The following EPG5 variants were observed in gnomAD, a reference collection of about 807,000 sequenced individuals.
The protein encoded by EPG5 is ectopic P granules protein 5 homolog.
In EPG5, 159 loss-of-function variants were observed where a neutral mutation model predicts 302.7. That is an observed-to-expected ratio of 0.53 (90% CI 0.46 to 0.60). The LOEUF (loss-of-function observed/expected upper bound fraction) is 0.60, where lower values mean the gene tolerates loss of function less well. Ranked by LOEUF, EPG5 falls within the 20% of genes least tolerant of loss-of-function variation. EPG5 has a pLI of 0.00. For missense variants in EPG5, 2,896 were observed against 3,092.4 expected (o/e 0.94, Z 1.51); for synonymous variants, 1,158 against 1,136.8 (o/e 1.02, Z -0.37).
At chr18:45,926,180 C>T (rs1660804070) in intron 13 of EPG5, among the ~76,000 whole-genome samples, 1 of 152,186 alleles carries the variant, frequency 6.6e-6, no homozygotes, top group African/African-American at 2.4e-5. Context: ...AACCACCACA[C>T]TAATGCACAT....
Position 45,847,732 on chromosome 18 carries a change from A to G in EPG5, c.*4735T>C, listed in dbSNP as rs1334404844. ...AAGTATGAAAAATGTGGAACAATGA[A>G]TAAGTAGTGAATATTGCACATTTAA... On this transcript the variant is annotated 3_prime_UTR_variant, in exon 44 of 44. Transcript: ENST00000282041. 32 of 152,636 alleles carry G rather than the reference A, an allele frequency of 2.1e-4. No individual in the cohort carries two copies. The highest frequency in any genetic ancestry group is 2.1e-3 in the Admixed American group (32 of 15,272). The allele number at this position is 152,636 out of a possible 1,614,324, so 9.5% of individuals were successfully genotyped here. A position where few individuals can be genotyped will look rare whatever the true frequency, so the allele number is the denominator to read the frequency against.
chr18:45,949,922 A>G (rs749674722), intron 4 of EPG5, among the ~76,000 whole-genome samples: 1 of 152,350 alleles, frequency 6.6e-6, no homozygotes, highest in African/African-American at 2.4e-5. Flanking sequence ...CCAAATAAGT[A>G]TGCTTGAAAC....
chr18:45,955,399 G>A, intron 1 of EPG5, 61 bp from the exon 2 acceptor site: 3 of 1,220,292 alleles, frequency 2.5e-6, no homozygotes, highest in South Asian at 3.5e-5. Flanking sequence ...TTCAGCAGGA[G>A]GAATTTTAAA....
At chr18:45,902,480 T>A (rs984556982) in intron 25 of EPG5, among the ~76,000 whole-genome samples, 1 of 152,190 alleles carries the variant, frequency 6.6e-6, no homozygotes, top group African/African-American at 2.4e-5. Context: ...ACCAAGGTAT[T>A]TTAAAAACAA....
chr18:45,928,805 T>C, intron 13 of EPG5, 64 bp downstream of exon 13: 1 of 1,498,926 alleles, frequency 6.7e-7, no homozygotes, highest in Non-Finnish European at 9.1e-7. Flanking sequence ...CCTTCCTATT[T>C]TTGCCAATGT....
chr18:45,901,167 G>A lies in EPG5; in HGVS notation c.4475C>T (p.Ala1492Val). 1 of 1,613,552 alleles carries A rather than the reference G, an allele frequency of 6.2e-7. No individual in the cohort carries two copies. Among genetic ancestry groups the A allele is most frequent in the Non-Finnish European group, 8.5e-7 (1 of 1,179,752 alleles). The change falls in exon 26 of 44, where the codon GCT becomes GTT. Residue 1492 changes from alanine to valine, a missense_variant and splice_region_variant. Physicochemically the swap from Ala to Val is moderately conservative, Grantham distance 64 (BLOSUM62 0). This residue lies in a region of EPG5 where 790 missense variants were observed against 798.0 expected (regional missense o/e 0.99). Coordinates refer to ENST00000282041, the MANE Select transcript of EPG5 (RefSeq NM_020964.3). ...CAAGTTACTTAAAACCCTTTCTTTA[G>A]CTGAAAGAAAATTAAGTCATATATA... is the stretch of plus-strand genomic sequence containing the variant. ...VQLDFTDPLL[A>V]KERVLSNLRK...
intron 17 of EPG5, 194 bp from the exon 18 acceptor site, chr18:45,916,776 G>A (rs1197719432): frequency 1.0e-5 from 5 of 501,520 alleles, no homozygotes; most frequent in African/African-American, 1.9e-5. Flanking sequence ...TCTACCCACA[G>A]AGGTATTAAG....
the EPG5 span, chr18:45,838,697 C>A: frequency 6.5e-7 from 1 of 1,549,676 alleles, no homozygotes; most frequent in South Asian, 1.2e-5. Flanking sequence ...TTGTGACAGT[C>A]ACCCGCCTTC....
the EPG5 span, among the ~76,000 whole-genome samples, chr18:45,817,578 G>A: frequency 1.3e-5 from 2 of 152,264 alleles, no homozygotes; most frequent in Non-Finnish European, 2.9e-5. Context: ...AGGCATGACT[G>A]AAGCTGGAGG....
chr18:45,909,901 G>A (rs572673495), intron 23 of EPG5, among the ~76,000 whole-genome samples: 7 of 152,284 alleles, frequency 4.6e-5, no homozygotes, highest in Admixed American at 1.3e-4. Flanking sequence ...CACTATGATC[G>A]TCTCACTATA....
At chr18:45,831,743 C>G in the EPG5 span, among the ~76,000 whole-genome samples, 1 of 146,756 alleles carries the variant, frequency 6.8e-6, no homozygotes, top group South Asian at 2.1e-4. Flanking sequence ...GTACCAACAT[C>G]TTTTTTTTTT....
In EPG5 at chr18:45,923,370, A is replaced by G. The variant is rs2050197871; in HGVS notation, c.2736T>C (p.Asp912=). The change falls in exon 15 of 44, where the codon GAT becomes GAC. Residue 912 remains aspartate, a synonymous_variant. Coordinates refer to ENST00000282041, the MANE Select transcript of EPG5 (RefSeq NM_020964.3). ...AAGCCACTTCAGCATGGACTGCTTG[A>G]TCCAGATGAAGGGTAGCCTTTTAAA... The part of the protein sequence containing the change: ...GFAKQATLHL[D]QAVHAEVALM... The G allele has an allele frequency of 6.2e-7, 1 of 1,613,624 alleles. No individual in the cohort carries two copies. Among genetic ancestry groups the G allele is most frequent in the African/African-American group, 1.3e-5 (1 of 75,054 alleles).
chr18:45,865,533 C>A, intron 39 of EPG5, 82 bp downstream of exon 39: 1 of 1,446,224 alleles, frequency 6.9e-7, no homozygotes, highest in Non-Finnish European at 9.6e-7. Flanking sequence ...GTGTCCTGAA[C>A]ATCCTCCTGA....
chr18:45,821,474 C>T, the EPG5 span, among the ~76,000 whole-genome samples: 1 of 151,998 alleles, frequency 6.6e-6, no homozygotes, highest in Non-Finnish European at 1.5e-5. Flanking sequence ...AATATCTAAC[C>T]TAAATATAAA....
intron 27 of EPG5, among the ~76,000 whole-genome samples, chr18:45,892,640 G>C (rs2049378282): frequency 1.3e-5 from 2 of 152,084 alleles, no homozygotes; most frequent in South Asian, 4.1e-4. Context: ...ATTTCCCCAG[G>C]GAACATCACT....
At chr18:45,855,457 C>T (rs1459296691) in intron 43 of EPG5, 116 bp downstream of exon 43, 5 of 674,614 alleles carry the variant, frequency 7.4e-6, no homozygotes, top group Admixed American at 2.8e-5. Context: ...AAAGGGAACA[C>T]TGTGCTACCA....
chr18:45,828,404 TC>T, the EPG5 span, among the ~76,000 whole-genome samples: 11 of 151,680 alleles, frequency 7.3e-5, no homozygotes, highest in African/African-American at 1.9e-4. Flanking sequence ...CTCCTCCATC[TC>T]CCCCCATATC....
rs2048386480 is a variant in EPG5, at chr18:45,848,661, T to C, written c.*3806A>G. 6.6e-6 allele frequency: 1 copy of C among 152,398 alleles called. No homozygotes were observed. The highest frequency in any genetic ancestry group is 2.1e-4 in the South Asian group (1 of 4,828). 9.4% of individuals were successfully genotyped at this position (152,398 alleles called of 1,614,324 possible). A position where few individuals can be genotyped will look rare whatever the true frequency, so the allele number is the denominator to read the frequency against. On this transcript the variant is annotated 3_prime_UTR_variant, in exon 44 of 44. Transcript: ENST00000282041. ...TTAAATGTATGCCCCAGGTGCCTCATTTGTCTCACCCTAGCCCTGGCCCTG... is the reference window on the plus strand; with the variant it reads ...TTAAATGTATGCCCCAGGTGCCTCACTTGTCTCACCCTAGCCCTGGCCCTG...
chr18:45,907,978 T>A lies in EPG5; in HGVS notation c.4309A>T (p.Lys1437Ter). 6.3e-7 allele frequency: 1 copy of A among 1,578,326 alleles called. No homozygotes were observed. The highest frequency in any genetic ancestry group is 8.5e-7 in the Non-Finnish European group (1 of 1,170,144). Residue 1437 changes from lysine (K) to a stop codon, truncating the protein, a stop_gained, in exon 24 of 44, where the codon AAA becomes TAA. Transcript: ENST00000282041. LOFTEE classifies it high-confidence loss of function. ...TTCACCTGCTGATTCTGCATCACTT[T>A]TGCTAGCCTGTGAATATCATAATGC... ...PKHYDIHRLA[K>*]VMQNQQDLWM...
Sources: gnomAD v4.1 joint callset for allele counts (sites outside exome capture counted in the v4.1 genomes callset) on GRCh38, gnomAD v4.1.1 for gene constraint, gnomAD v4.1.1 regional missense constraint, MANE v1.5 for transcripts, NCBI Gene and HGNC (gene_info 2026-07-23, HGNC 2026-07-21) for gene names.